The following DPH6 variants were observed in gnomAD, a reference collection of about 807,000 sequenced individuals.
DPH6 encodes the protein diphthine--ammonia ligase.
A neutral mutation model predicts 38.2 loss-of-function variants in DPH6; 33 were observed. That is an observed-to-expected ratio of 0.86 (90% CI 0.65 to 1.15). The LOEUF (loss-of-function observed/expected upper bound fraction) is 1.15. Ranked by LOEUF, DPH6 falls within the 50% of genes most tolerant of loss-of-function variation. DPH6 has a pLI of 0.00. For synonymous variants in DPH6, 108 were observed against 103.0 expected (o/e 1.05, Z -0.30); for missense variants, 325 against 320.0 (o/e 1.02, Z -0.12).
At chr15:35,300,637 TAAGTC>T (rs1225344811) in intron 3 of DPH6, among the ~76,000 whole-genome samples, 3 of 152,218 alleles carry the variant, frequency 2.0e-5, no homozygotes, top group Non-Finnish European at 4.4e-5. Context: ...AAGTGGGAAT[TAAGTC>T]AAGTTAATAA....
intron 3 of DPH6, among the ~76,000 whole-genome samples, chr15:35,309,788 A>AT (rs1456546862): frequency 2.0e-5 from 3 of 152,222 alleles, no homozygotes; most frequent in Admixed American, 1.3e-4. Context: ...AAAAAGACAT[A>AT]TTTTTTGGTA....
intron 3 of DPH6, among the ~76,000 whole-genome samples, chr15:35,232,963 AT>A (rs2051528204): frequency 6.6e-6 from 1 of 150,988 alleles, no homozygotes; most frequent in Non-Finnish European, 1.5e-5. Flanking sequence ...TCAACAGACA[AT>A]TAGCAAAATA....
At chr15:35,299,477 C>A in intron 3 of DPH6, 1 of 760,674 alleles carries the variant, frequency 1.3e-6, no homozygotes, top group East Asian at 2.5e-5. Context: ...CCCGCCGACT[C>A]TGCCCATGGG....
At chr15:35,284,801 A>AAT in intron 3 of DPH6, among the ~76,000 whole-genome samples, 1 of 79,254 alleles carries the variant, frequency 1.3e-5, no homozygotes, top group East Asian at 5.2e-4. Flanking sequence ...AAGTCTCCAA[A>AAT]TTTTTTTTTT....
intron 3 of DPH6, chr15:35,282,955 G>A: frequency 3.2e-6 from 1 of 316,450 alleles, no homozygotes; most frequent in Non-Finnish European, 6.5e-6. Flanking sequence ...ACATGTTCAG[G>A]CTTGGCCTGC....
At chr15:35,461,336 G>A (rs1002171832) in intron 3 of DPH6, among the ~76,000 whole-genome samples, 2 of 152,186 alleles carry the variant, frequency 1.3e-5, no homozygotes, top group Admixed American at 1.3e-4. Flanking sequence ...GCCTCCCAAA[G>A]TGCTGGGATT....
chr15:35,309,285 A>C (rs2052120431), intron 3 of DPH6, among the ~76,000 whole-genome samples: 1 of 152,242 alleles, frequency 6.6e-6, no homozygotes, highest in South Asian at 2.1e-4. Flanking sequence ...AGAAAATGAT[A>C]TCAGGAAAAG....
chr15:35,300,337 C>T (rs2052046326), intron 3 of DPH6, among the ~76,000 whole-genome samples: 1 of 152,068 alleles, frequency 6.6e-6, no homozygotes, highest in Admixed American at 6.6e-5. Flanking sequence ...ATTTTGAGTA[C>T]TACATTGAGA....
At chr15:35,539,462 A>C (rs367970178) in intron 2 of DPH6, among the ~76,000 whole-genome samples, 8 of 152,028 alleles carry the variant, frequency 5.3e-5, no homozygotes, top group African/African-American at 1.9e-4. Context: ...AAAAAGTGTT[A>C]AATGGATGTC....
chr15:35,393,306 T>C (rs1218990199), intron 6 of DPH6, among the ~76,000 whole-genome samples: 4 of 152,182 alleles, frequency 2.6e-5, no homozygotes, highest in Non-Finnish European at 5.9e-5. Flanking sequence ...GAAAATGTAG[T>C]ATCTCTTCCT....
chr15:35,285,988 G>A (rs965363544), intron 3 of DPH6, among the ~76,000 whole-genome samples: 1 of 148,980 alleles, frequency 6.7e-6, no homozygotes, highest in Non-Finnish European at 1.5e-5. Flanking sequence ...GGGCAAAATG[G>A]AAAAATCATC....
chr15:35,420,548 G>T (rs954337956), intron 5 of DPH6, among the ~76,000 whole-genome samples: 3 of 151,798 alleles, frequency 2.0e-5, no homozygotes, highest in Non-Finnish European at 4.4e-5. Flanking sequence ...AGACAGTCTC[G>T]CTCTGTTGCC....
chr15:35,546,063 T>G, intron 1 of DPH6, 56 bp downstream of exon 1: 1 of 1,315,122 alleles, frequency 7.6e-7, no homozygotes. Flanking sequence ...TAGCGGCGGC[T>G]GGAAGGGACG....
intron 3 of DPH6, among the ~76,000 whole-genome samples, chr15:35,481,783 C>T (rs1352969511): frequency 6.6e-6 from 1 of 151,930 alleles, no homozygotes; most frequent in African/African-American, 2.4e-5. Context: ...TACCTGGGGG[C>T]TATTTTATTA....
intron 3 of DPH6, among the ~76,000 whole-genome samples, chr15:35,361,707 G>A (rs2140907459): frequency 6.6e-6 from 1 of 151,298 alleles, no homozygotes; most frequent in East Asian, 2.0e-4. Flanking sequence ...GATAAAATCT[G>A]CTGTTGAACC....
At chr15:35,435,387 T>C (rs892815377) in intron 5 of DPH6, among the ~76,000 whole-genome samples, 1 of 152,166 alleles carries the variant, frequency 6.6e-6, no homozygotes, top group Non-Finnish European at 1.5e-5. Flanking sequence ...AAGGCAAACA[T>C]TGAGCAGTAA....
intron 3 of DPH6, among the ~76,000 whole-genome samples, chr15:35,290,355 C>T (rs1173515584): frequency 6.6e-6 from 1 of 152,132 alleles, no homozygotes; most frequent in African/African-American, 2.4e-5. Context: ...CTGGGCACAC[C>T]CTGCACATGC....
At chr15:35,293,200 C>G (rs956320172) in intron 3 of DPH6, among the ~76,000 whole-genome samples, 1 of 152,050 alleles carries the variant, frequency 6.6e-6, no homozygotes. Flanking sequence ...ATAAAACATG[C>G]TAGTTTTAAT....
intron 3 of DPH6, among the ~76,000 whole-genome samples, chr15:35,311,731 G>T (rs1304902347): frequency 1.3e-5 from 2 of 152,114 alleles, no homozygotes; most frequent in Non-Finnish European, 2.9e-5. Flanking sequence ...TTACAAAGAG[G>T]CATATTTTAG....
Sources: allele counts gnomAD v4.1 joint callset (sites outside exome capture counted in the v4.1 genomes callset), GRCh38; gene constraint gnomAD v4.1.1; transcripts MANE v1.5; gene names NCBI Gene and HGNC (gene_info 2026-07-23, HGNC 2026-07-21).